PRKX: variants seen among roughly 807,000 people sequenced by gnomAD.
PRKX encodes cAMP-dependent protein kinase catalytic subunit PRKX.
PRKX carries 12 observed loss-of-function variants against 22.0 expected under a neutral mutation model. The observed-to-expected ratio is 0.54, with a 90% confidence interval of 0.35 to 0.88. The LOEUF (loss-of-function observed/expected upper bound fraction) is 0.88. PRKX is among the 40% of genes least tolerant of loss of function. The pLI, the probability that PRKX is intolerant of heterozygous loss-of-function variation, is 0.01. For missense variants in PRKX, 217 were observed against 308.0 expected, an observed-to-expected ratio of 0.70 and a Z score of 2.21; for synonymous variants, 134 against 137.7, an observed-to-expected ratio of 0.97 and a Z score of 0.19.
At chrX:3,682,276 C>T (rs1380012642) in intron 1 of PRKX, among the ~76,000 whole-genome samples, 1 of 111,097 alleles carries the variant, frequency 9.0e-6, no homozygotes, top group Non-Finnish European at 1.9e-5. Context: ...ACAGCTAGCT[C>T]GGCCTTTCAC....
At chrX:3,635,506 T>C (rs898869569) in intron 4 of PRKX, among the ~76,000 whole-genome samples, 2 of 112,138 alleles carry the variant, frequency 1.8e-5, no homozygotes, top group African/African-American at 3.2e-5. Flanking sequence ...TAAGACAAGA[T>C]GGCCCAGGGG....
chrX:3,711,909 G>T (rs966492891), intron 1 of PRKX, among the ~76,000 whole-genome samples: 2 of 110,813 alleles, frequency 1.8e-5, no homozygotes, highest in African/African-American at 6.6e-5. Flanking sequence ...ATAAAGAGGA[G>T]GAGGGAGGGA....
chrX:3,700,855 C>G (rs961154944), intron 1 of PRKX, among the ~76,000 whole-genome samples: 1 of 111,568 alleles, frequency 9.0e-6, no homozygotes, highest in Non-Finnish European at 1.9e-5. Context: ...CCACCTCAAC[C>G]TCCCAAAGTG....
chrX:3,664,076 C>A (rs1271084720), intron 2 of PRKX, among the ~76,000 whole-genome samples: 1 of 111,387 alleles, frequency 9.0e-6, no homozygotes, highest in Non-Finnish European at 1.9e-5. Flanking sequence ...TCACATGCAC[C>A]CTCCCATCCT....
intron 1 of PRKX, among the ~76,000 whole-genome samples, chrX:3,697,798 G>A (rs1420586514): frequency 9.0e-6 from 1 of 111,405 alleles, no homozygotes; most frequent in Non-Finnish European, 1.9e-5. Flanking sequence ...CAGTCCTCCC[G>A]CCTCGGCCGC....
chrX:3,652,963 C>A (rs1364297283), intron 3 of PRKX, among the ~76,000 whole-genome samples: 1 of 111,111 alleles, frequency 9.0e-6, no homozygotes, highest in Non-Finnish European at 1.9e-5. Context: ...GGATCTCAGA[C>A]CTTAGCCTCC....
At chrX:3,653,768 AAT>A (rs1486244356) in intron 3 of PRKX, among the ~76,000 whole-genome samples, 5 of 66,370 alleles carry the variant, frequency 7.5e-5, no homozygotes, top group Non-Finnish European at 1.3e-4. Flanking sequence ...TGATATATAT[AAT>A]ATATATTATA....
intron 5 of PRKX, among the ~76,000 whole-genome samples, chrX:3,623,108 T>C (rs1926591614): frequency 9.0e-6 from 1 of 111,007 alleles, no homozygotes; most frequent in African/African-American, 3.3e-5. Context: ...AAAAGCCCTA[T>C]GTTTATTTCA....
At chrX:3,697,918 T>C (rs1300497464) in intron 1 of PRKX, among the ~76,000 whole-genome samples, 1 of 111,772 alleles carries the variant, frequency 8.9e-6, no homozygotes, top group Non-Finnish European at 1.9e-5. Context: ...ACATGCTTTC[T>C]GGAACAAGGG....
rs57960952 is a variant in PRKX, at chrX:3,608,578, T to TACACACACACACACACAC, written c.*373_*390dup. Reference sequence around the variant, plus strand: ...TGACTTCTATATATACACACAGGCATACACACACACACACACACACACACA... The same window carrying TACACACACACACACACAC: ...TGACTTCTATATATACACACAGGCATACACACACACACACACACACACACACACACACACACACACACA... On this transcript the variant is annotated 3_prime_UTR_variant, in exon 9 of 9. Coordinates refer to ENST00000262848, the MANE Select transcript of PRKX (RefSeq NM_005044.5). 2.1e-5 allele frequency: 2 copies of TACACACACACACACACAC among 94,524 alleles called. No homozygotes were observed. The highest frequency in any genetic ancestry group is 4.2e-5 in the Non-Finnish European group (2 of 47,143). The allele number at this position is 94,524 out of a possible 1,213,427, so 7.8% of individuals were successfully genotyped here.
intron 1 of PRKX, among the ~76,000 whole-genome samples, chrX:3,678,939 T>C (rs1473825703): frequency 8.9e-6 from 1 of 111,797 alleles, no homozygotes; most frequent in Non-Finnish European, 1.9e-5. Flanking sequence ...GGTCAGCTCT[T>C]TCCTTCCTGA....
intron 2 of PRKX, among the ~76,000 whole-genome samples, chrX:3,671,306 G>A (rs1927842761): frequency 9.0e-6 from 1 of 110,810 alleles, no homozygotes; most frequent in Non-Finnish European, 1.9e-5. Flanking sequence ...TGTTGCCCAG[G>A]CTGGTCTGGA....
chrX:3,688,237 A>G (rs1301141502), intron 1 of PRKX, among the ~76,000 whole-genome samples: 7,474 of 99,604 alleles, frequency 0.075, 571 homozygotes, highest in East Asian at 0.24. Flanking sequence ...TCTGAGGCCA[A>G]GAGTTCGAGA....
At position 3,636,587 on chromosome X, in the gene PRKX, T is replaced by C. The variant is rs12689785; in HGVS notation, c.719+5265A>G. Among the ~76,000 whole-genome samples, 32 of 112,784 alleles carry C rather than the reference T, an allele frequency of 2.8e-4. No individual in the cohort carries two copies. The East Asian group carries it at 8.7e-3, about 31-fold the overall frequency. On this transcript the variant is annotated intron_variant, in intron 4 of 8. Transcript: ENST00000262848. ...AGAAAGGGCCAGCCCTGGCTGGGTG[T>C]GGTGGCTCACGCCTGTAACCCCAGC...
chrX:3,710,129 G>T (rs1016016741), intron 1 of PRKX, among the ~76,000 whole-genome samples: 1 of 110,399 alleles, frequency 9.1e-6, no homozygotes, highest in African/African-American at 3.3e-5. Context: ...CTCCATCATA[G>T]GAACAAGCAT....
intron 2 of PRKX, among the ~76,000 whole-genome samples, chrX:3,664,410 G>A (rs1286429804): frequency 9.0e-6 from 1 of 110,904 alleles, no homozygotes; most frequent in Admixed American, 9.6e-5. Context: ...CTATTTCTTC[G>A]AGCTTTTTGT....
chrX:3,666,998 A>T (rs1196251430), intron 2 of PRKX, among the ~76,000 whole-genome samples: 1 of 111,153 alleles, frequency 9.0e-6, no homozygotes, highest in Non-Finnish European at 1.9e-5. Context: ...AATTTTAAAG[A>T]ATGTTTTCCA....
At chrX:3,706,799 C>G (rs181255548) in intron 1 of PRKX, among the ~76,000 whole-genome samples, 159 of 112,092 alleles carry the variant, frequency 1.4e-3, no homozygotes, top group African/African-American at 5.0e-3. Context: ...ATTGGGCACA[C>G]AGCATCCCTT....
intron 2 of PRKX, among the ~76,000 whole-genome samples, chrX:3,661,120 G>A (rs777805046): frequency 9.0e-6 from 1 of 111,073 alleles, no homozygotes; most frequent in Non-Finnish European, 1.9e-5. Flanking sequence ...ACACTAATGC[G>A]GGATCACCCT....
Sources: gnomAD v4.1 joint callset for allele counts (sites outside exome capture counted in the v4.1 genomes callset) on GRCh38, gnomAD v4.1.1 for gene constraint, MANE v1.5 for transcripts, NCBI Gene and HGNC (gene_info 2026-07-23, HGNC 2026-07-21) for gene names.